HPSE2: variants seen among roughly 807,000 people sequenced by gnomAD.
The protein encoded by HPSE2 is heparanase 2 (inactive).
In HPSE2, 38 loss-of-function variants were observed where a neutral mutation model predicts 60.5. The observed-to-expected ratio is 0.63, with a 90% CI of 0.48 to 0.82. The LOEUF is 0.82. HPSE2 is among the 40% of genes least tolerant of loss of function. The pLI is 0.00. For synonymous variants in HPSE2, 295 were observed against 293.2 expected, an observed-to-expected ratio of 1.01 and a Z score of -0.06; for missense variants, 713 against 740.4, an observed-to-expected ratio of 0.96 and a Z score of 0.43.
intron 3 of HPSE2, among the ~76,000 whole-genome samples, chr10:98,963,752 C>G (rs913204510): frequency 6.6e-6 from 1 of 152,076 alleles, no homozygotes; most frequent in Non-Finnish European, 1.5e-5. Flanking sequence ...GAATGTTTCT[C>G]TAAGTGAAGA....
chr10:98,513,521 T>C (rs1182107535), intron 9 of HPSE2, among the ~76,000 whole-genome samples: 1 of 152,134 alleles, frequency 6.6e-6, no homozygotes, highest in African/African-American at 2.4e-5. Context: ...GAAGTCAGAA[T>C]TCCAGGTGTG....
intron 3 of HPSE2, among the ~76,000 whole-genome samples, chr10:99,077,108 ATTG>A (rs1389676263): frequency 6.6e-6 from 1 of 152,092 alleles, no homozygotes; most frequent in Non-Finnish European, 1.5e-5. Flanking sequence ...TATATGACAA[ATTG>A]TTCTTCTCTT....
At chr10:98,578,105 C>T (rs935484172) in intron 9 of HPSE2, among the ~76,000 whole-genome samples, 7 of 152,066 alleles carry the variant, frequency 4.6e-5, no homozygotes, top group African/African-American at 1.7e-4. Flanking sequence ...TCAAGCTGGC[C>T]CCAAGGACTA....
At chr10:98,944,689 A>G (rs1398249401) in intron 3 of HPSE2, among the ~76,000 whole-genome samples, 4 of 152,146 alleles carry the variant, frequency 2.6e-5, no homozygotes, top group Non-Finnish European at 5.9e-5. Context: ...TCCTCAAGGG[A>G]CCCACTAATT....
At chr10:98,734,869 A>G (rs1949310481) in intron 4 of HPSE2, among the ~76,000 whole-genome samples, 1 of 144,732 alleles carries the variant, frequency 6.9e-6, no homozygotes, top group Non-Finnish European at 1.5e-5. Flanking sequence ...TACAAAGAGT[A>G]CCCATATAAT....
intron 3 of HPSE2, among the ~76,000 whole-genome samples, chr10:98,800,160 G>A (rs906502302): frequency 4.0e-5 from 6 of 151,874 alleles, no homozygotes; most frequent in African/African-American, 1.5e-4. Flanking sequence ...TTGAGCCCAG[G>A]AGTTCAAGAC....
the HPSE2 span, among the ~76,000 whole-genome samples, chr10:99,256,046 CACTTTTAAACAACCAGATCTCATGATA>C: frequency 6.6e-6 from 1 of 152,108 alleles, no homozygotes; most frequent in South Asian, 2.1e-4. Context: ...AAGTGCTACA[CACTTTTAAACAACCAGATCTCATGATA>C]ACTCAGCATC....
At chr10:98,631,661 A>T (rs515967) in intron 7 of HPSE2, among the ~76,000 whole-genome samples, 33,932 of 152,048 alleles carry the variant, frequency 0.22, 3,999 homozygotes, top group Admixed American at 0.31. Flanking sequence ...TTCCAGGGCC[A>T]TTCCTCCAAA....
At chr10:98,913,483 A>T (rs1271531929) in intron 3 of HPSE2, among the ~76,000 whole-genome samples, 1 of 152,256 alleles carries the variant, frequency 6.6e-6, no homozygotes, top group Non-Finnish European at 1.5e-5. Flanking sequence ...CGGCATATTC[A>T]GTTACTGCAC....
intron 2 of HPSE2, among the ~76,000 whole-genome samples, chr10:99,184,819 T>TATAGAGAGAG (rs1554912295): frequency 1.0e-4 from 2 of 19,868 alleles, no homozygotes; most frequent in African/African-American, 1.7e-4. Flanking sequence ...TATATATATA[T>TATAGAGAGAG]AGAGAGAGAG....
At chr10:98,998,834 G>A (rs774078832) in intron 3 of HPSE2, among the ~76,000 whole-genome samples, 3 of 152,208 alleles carry the variant, frequency 2.0e-5, no homozygotes, top group African/African-American at 4.8e-5. Flanking sequence ...CAAGGCATAT[G>A]AGGCTGTAGA....
intron 2 of HPSE2, among the ~76,000 whole-genome samples, chr10:99,200,058 T>C (rs913561986): frequency 3.4e-4 from 52 of 152,296 alleles, no homozygotes; most frequent in African/African-American, 1.2e-3. Flanking sequence ...TGGAATTGTT[T>C]TATTTCCTTC....
the HPSE2 span, among the ~76,000 whole-genome samples, chr10:99,305,977 G>GCACACACACACACACACA: frequency 3.4e-3 from 185 of 53,662 alleles, no homozygotes; most frequent in South Asian, 7.5e-3. Flanking sequence ...GCGCGCGCGC[G>GCACACACACACACACACA]CGCACACACA....
Position 98,951,762 on chromosome 10 carries a change from T to C in HPSE2, c.610+192476A>G, listed in dbSNP as rs550344615. Reference sequence around the variant, plus strand: ...AGAAACAGACCATTATCTCCCTTCATATTTCCAAGGATAGTGCCCTTTACA... The same window carrying C: ...AGAAACAGACCATTATCTCCCTTCACATTTCCAAGGATAGTGCCCTTTACA... On this transcript the variant is annotated intron_variant, in intron 3 of 11. Transcript: ENST00000370552. Among the ~76,000 whole-genome samples, 200 of 152,194 alleles carry C rather than the reference T, an allele frequency of 1.3e-3. 5 individuals carry two copies. Among genetic ancestry groups the C allele is most frequent in the Non-Finnish European group, 4.6e-4 (31 of 68,030 alleles).
the HPSE2 span, among the ~76,000 whole-genome samples, chr10:99,310,144 C>A: frequency 6.6e-6 from 1 of 152,172 alleles, no homozygotes; most frequent in African/African-American, 2.4e-5. Flanking sequence ...CTTATAAGAA[C>A]GCTTATGATA....
chr10:99,297,753 G>A, the HPSE2 span, among the ~76,000 whole-genome samples: 19 of 152,118 alleles, frequency 1.2e-4, no homozygotes, highest in East Asian at 2.9e-3. Context: ...CCCCTGGGTG[G>A]CCCAGGGTTT....
At chr10:98,943,683 A>G (rs1955093600) in intron 3 of HPSE2, among the ~76,000 whole-genome samples, 1 of 152,152 alleles carries the variant, frequency 6.6e-6, no homozygotes, top group African/African-American at 2.4e-5. Flanking sequence ...GCCAGCTGTC[A>G]TATCATGAGG....
At chr10:99,214,883 A>G (rs1849068562) in intron 2 of HPSE2, among the ~76,000 whole-genome samples, 1 of 152,238 alleles carries the variant, frequency 6.6e-6, no homozygotes, top group Non-Finnish European at 1.5e-5. Flanking sequence ...CAAAACCACA[A>G]TGAGATACCA....
chr10:98,869,043 G>A (rs957468093), intron 3 of HPSE2, among the ~76,000 whole-genome samples: 12 of 151,952 alleles, frequency 7.9e-5, no homozygotes, highest in African/African-American at 2.7e-4. Flanking sequence ...GTGTGCATGT[G>A]AGTATGTGTA....
Sources: gnomAD v4.1 joint callset for allele counts (sites outside exome capture counted in the v4.1 genomes callset) on GRCh38, gnomAD v4.1.1 for gene constraint, MANE v1.5 for transcripts, NCBI Gene and HGNC (gene_info 2026-07-23, HGNC 2026-07-21) for gene names.